TPD52: variants seen among roughly 807,000 people sequenced by gnomAD.
TPD52 encodes the protein prostate and colon associated protein.
In TPD52, 17 loss-of-function variants were observed where a neutral mutation model predicts 31.3. That is an observed-to-expected ratio of 0.54 (90% CI 0.37 to 0.82). The LOEUF (loss-of-function observed/expected upper bound fraction) is 0.82, where lower values mean the gene tolerates loss of function less well. Ranked by LOEUF, TPD52 falls within the 40% of genes least tolerant of loss-of-function variation. The pLI is 0.00. For missense variants in TPD52, 212 were observed against 240.1 expected (o/e 0.88, Z 0.77); for synonymous variants, 83 against 89.6 (o/e 0.93, Z 0.42).
At chr8:80,170,307 T>C (rs1040540074) in intron 1 of TPD52, among the ~76,000 whole-genome samples, 2 of 152,084 alleles carry the variant, frequency 1.3e-5, no homozygotes. Flanking sequence ...TCCCAGCTAC[T>C]TGGGAGGCTG....
At chr8:80,061,131 C>T (rs1343344950) in intron 2 of TPD52, among the ~76,000 whole-genome samples, 12 of 151,662 alleles carry the variant, frequency 7.9e-5, no homozygotes, top group African/African-American at 2.2e-4. Flanking sequence ...TTTGGGAGGC[C>T]GAGGCAGGCA....
intron 1 of TPD52, among the ~76,000 whole-genome samples, chr8:80,147,136 C>T (rs948625760): frequency 1.3e-5 from 2 of 152,156 alleles, no homozygotes; most frequent in Non-Finnish European, 2.9e-5. Flanking sequence ...CAGACTTGCA[C>T]CAGATGAAGT....
intron 1 of TPD52, among the ~76,000 whole-genome samples, chr8:80,104,876 G>A (rs560249428): frequency 6.6e-6 from 1 of 151,396 alleles, no homozygotes; most frequent in Admixed American, 6.6e-5. Flanking sequence ...CCTGGGCAAC[G>A]TGGCGAAACC....
intron 1 of TPD52, among the ~76,000 whole-genome samples, chr8:80,066,488 T>C (rs929523768): frequency 6.6e-6 from 1 of 152,230 alleles, no homozygotes; most frequent in Non-Finnish European, 1.5e-5. Context: ...GCTCAATGCA[T>C]AATTGCTTCC....
At chr8:80,104,581 C>CA (rs1563629141) in intron 1 of TPD52, among the ~76,000 whole-genome samples, 2 of 147,662 alleles carry the variant, frequency 1.4e-5, no homozygotes, top group Non-Finnish European at 3.0e-5. Flanking sequence ...AAAAAAACAA[C>CA]AACAAAAAAA....
downstream of TPD52, among the ~76,000 whole-genome samples, chr8:80,033,602 A>G (rs1176890148): frequency 6.6e-6 from 1 of 152,168 alleles, no homozygotes; most frequent in African/African-American, 2.4e-5. Context: ...CCAGCCAGGA[A>G]CATGTTACAG....
Position 80,035,238 on chromosome 8 carries a change from AGCTAAG to A in TPD52, c.*2872_*2877del, listed in dbSNP as rs752109284. On this transcript the variant is annotated 3_prime_UTR_variant, in exon 8 of 8. Transcript: ENST00000518937. ...TGCCTATAGTCCTAGCTATTTGGGA[AGCTAAG>A]GCAGTAGGATTCCTTGACCCCAGGA... 36 of 152,236 alleles carry A rather than the reference AGCTAAG, an allele frequency of 2.4e-4. No individual in the cohort carries two copies. The highest frequency in any genetic ancestry group is 1.3e-3 in the Admixed American group (20 of 15,282). 9.4% of individuals were successfully genotyped at this position (152,236 alleles called of 1,614,324 possible).
intron 3 of TPD52, 61 bp downstream of exon 3, chr8:80,053,221 A>G: frequency 8.4e-6 from 13 of 1,543,866 alleles, no homozygotes; most frequent in African/African-American, 1.4e-5. Context: ...CCCTCTCCAG[A>G]CAAAAGGCAC....
At chr8:80,082,902 T>C (rs1021793132) in intron 1 of TPD52, among the ~76,000 whole-genome samples, 2 of 152,220 alleles carry the variant, frequency 1.3e-5, no homozygotes, top group Non-Finnish European at 2.9e-5. Context: ...AAAATTTTTA[T>C]TTTACCTGCT....
chr8:80,106,248 G>T (rs1427495384), intron 1 of TPD52, among the ~76,000 whole-genome samples: 1 of 152,122 alleles, frequency 6.6e-6, no homozygotes, highest in Non-Finnish European at 1.5e-5. Context: ...ATAACACAAA[G>T]GACAATCCAA....
intron 1 of TPD52, among the ~76,000 whole-genome samples, chr8:80,165,266 G>A (rs1811641078): frequency 6.6e-6 from 1 of 152,218 alleles, no homozygotes; most frequent in African/African-American, 2.4e-5. Context: ...GCTGGTGGAA[G>A]TATAACTGGC....
At chr8:80,046,908 A>G (rs1810916289) in intron 5 of TPD52, among the ~76,000 whole-genome samples, 1 of 152,182 alleles carries the variant, frequency 6.6e-6, no homozygotes, top group Admixed American at 6.5e-5. Context: ...TAATAATAAG[A>G]GAGGAGGGGG....
intron 1 of TPD52, among the ~76,000 whole-genome samples, chr8:80,094,864 G>A (rs1287203996): frequency 2.0e-5 from 3 of 152,034 alleles, no homozygotes; most frequent in Non-Finnish European, 2.9e-5. Context: ...CAAGACCTTT[G>A]TGTCCAGACT....
At chr8:80,171,293 T>G (rs750385007) in intron 1 of TPD52, 132 bp downstream of exon 1, 1 of 1,215,728 alleles carries the variant, frequency 8.2e-7, no homozygotes, top group Non-Finnish European at 1.2e-6. Flanking sequence ...GAGATGCAAC[T>G]TGCGGCGCCG....
At chr8:80,084,729 T>C (rs1563613669) in intron 1 of TPD52, among the ~76,000 whole-genome samples, 1 of 152,254 alleles carries the variant, frequency 6.6e-6, no homozygotes, top group Non-Finnish European at 1.5e-5. Flanking sequence ...AACCATGCTT[T>C]AGCCAAACTT....
At chr8:80,124,921 C>T (rs970809851) in intron 1 of TPD52, among the ~76,000 whole-genome samples, 7 of 152,176 alleles carry the variant, frequency 4.6e-5, no homozygotes, top group African/African-American at 1.7e-4. Flanking sequence ...ATATGCACAA[C>T]CTCCCTTACT....
downstream of TPD52, among the ~76,000 whole-genome samples, chr8:80,032,442 A>T (rs531788787): frequency 6.6e-6 from 1 of 152,020 alleles, no homozygotes; most frequent in African/African-American, 2.4e-5. Flanking sequence ...AGCAGTGCAC[A>T]CCTTTAGTCT....
intron 1 of TPD52, among the ~76,000 whole-genome samples, chr8:80,164,052 G>C (rs722902): frequency 0.44 from 43,535 of 99,626 alleles, 8,120 homozygotes; most frequent in African/African-American, 0.65. Flanking sequence ...GAGAGAGAGA[G>C]AGACAGACAG....
chr8:80,128,475 C>T (rs909710734), intron 1 of TPD52, among the ~76,000 whole-genome samples: 1 of 121,874 alleles, frequency 8.2e-6, no homozygotes, highest in East Asian at 2.4e-4. Flanking sequence ...CTGAGCAACA[C>T]AAGGAGACCC....
Sources: allele counts gnomAD v4.1 joint callset (sites outside exome capture counted in the v4.1 genomes callset), GRCh38; gene constraint gnomAD v4.1.1; transcripts MANE v1.5; gene names NCBI Gene and HGNC (gene_info 2026-07-23, HGNC 2026-07-21).